The following RMC1 variants were observed in gnomAD, a reference collection of about 807,000 sequenced individuals.
The protein encoded by RMC1 is regulator of MON1-CCZ1 complex.
In RMC1, 44 loss-of-function variants were observed where a neutral mutation model predicts 95.5. That is an observed-to-expected ratio of 0.46 (90% CI 0.36 to 0.59). The LOEUF is 0.59. Ranked by LOEUF, RMC1 falls within the 20% of genes least tolerant of loss-of-function variation. RMC1 has a pLI of 0.00. For synonymous variants in RMC1, 320 were observed against 303.6 expected, an observed-to-expected ratio of 1.05 and a Z score of -0.56; for missense variants, 705 against 819.6, an observed-to-expected ratio of 0.86 and a Z score of 1.71.
chr18:23,503,812 C>T lies in RMC1; in HGVS notation c.102+92C>T, dbSNP rs529317236. On this transcript the variant is annotated intron_variant, in intron 1 of 19. Coordinates refer to ENST00000269221, the MANE Select transcript of RMC1 (RefSeq NM_013326.5). ...CCCGCGCGACCAGGCCCGAGCGTCC[C>T]CTCCTGTCCTGTCCCGTCCCGTCCC... The T allele has an allele frequency of 3.6e-5, 40 of 1,103,766 alleles. No individual in the cohort carries two copies. The East Asian group carries it at 1.2e-3, about 34-fold the overall frequency. 68.4% of individuals were successfully genotyped at this position (1,103,766 alleles called of 1,614,324 possible).
At chr18:23,519,687 C>T (rs185710191) in intron 9 of RMC1, among the ~76,000 whole-genome samples, 246 of 152,246 alleles carry the variant, frequency 1.6e-3, no homozygotes, top group Non-Finnish European at 2.9e-3. Flanking sequence ...CAGAAACTAA[C>T]GCTTGAGATT....
At chr18:23,522,365 A>G (rs1471274271) in intron 10 of RMC1, 1 of 152,180 alleles carries the variant, frequency 6.6e-6, no homozygotes, top group Admixed American at 6.5e-5. Flanking sequence ...AAAACTAAAC[A>G]TTTAGAACAA....
chr18:23,513,925 C>T (rs1026587443), intron 5 of RMC1, among the ~76,000 whole-genome samples: 2 of 152,170 alleles, frequency 1.3e-5, no homozygotes, highest in Admixed American at 6.6e-5. Flanking sequence ...GATATTAACA[C>T]CTTCTTAGAG....
chr18:23,505,034 A>T (rs967334017), intron 2 of RMC1, among the ~76,000 whole-genome samples: 2 of 152,078 alleles, frequency 1.3e-5, no homozygotes, highest in African/African-American at 2.4e-5. Context: ...GACTTAAAAA[A>T]TTTTACTGTT....
intron 2 of RMC1, chr18:23,504,824 A>G (rs1252746897): frequency 5.4e-6 from 1 of 184,276 alleles, no homozygotes; most frequent in Non-Finnish European, 1.2e-5. Context: ...TTCTCATGTA[A>G]TAATACAAGA....
At chr18:23,518,205 A>G (rs1271483437) in intron 7 of RMC1, among the ~76,000 whole-genome samples, 3 of 152,210 alleles carry the variant, frequency 2.0e-5, no homozygotes, top group Non-Finnish European at 4.4e-5. Flanking sequence ...CTTAAATAGA[A>G]AAGGCTGAGC....
At chr18:23,507,175 G>C in intron 3 of RMC1, 121 bp downstream of exon 3, 1 of 666,648 alleles carries the variant, frequency 1.5e-6, no homozygotes, top group Non-Finnish European at 2.6e-6. Context: ...GAAAGGTATA[G>C]TTATGTTGCA....
chr18:23,503,767 G>A, intron 1 of RMC1, 47 bp downstream of exon 1: 2 of 1,543,902 alleles, frequency 1.3e-6, no homozygotes, highest in East Asian at 2.5e-5. Context: ...TGCCGGGGTC[G>A]TGGGCGCGCC....
In RMC1 at chr18:23,531,732, A is replaced by T; in HGVS notation, c.*28A>T. On this transcript the variant is annotated 3_prime_UTR_variant, in exon 20 of 20. Coordinates refer to ENST00000269221, the MANE Select transcript of RMC1 (RefSeq NM_013326.5). ...TCACTTGCTGTTTTTTTATATAAAA[A>T]TGTGTACAAAGTTAATTTATTGCAT... 1 of 1,597,710 alleles carries T rather than the reference A, an allele frequency of 6.3e-7. No homozygotes were observed. The highest frequency in any genetic ancestry group is 1.1e-5 in the South Asian group (1 of 87,082).
intron 14 of RMC1, chr18:23,528,932 T>G (rs770937862): frequency 2.6e-6 from 1 of 388,090 alleles, no homozygotes; most frequent in South Asian, 3.8e-5. Flanking sequence ...CAGGCTGGAG[T>G]GCAATGGTGA....
chr18:23,516,724 C>CTT (rs1567920926), intron 7 of RMC1, among the ~76,000 whole-genome samples: 1 of 140,434 alleles, frequency 7.1e-6, no homozygotes. Context: ...AGAATTTCTT[C>CTT]TTCTTTTTTT....
chr18:23,516,426 A>G lies in RMC1; in HGVS notation c.653+3A>G, dbSNP rs373829222. On this transcript the variant is annotated splice_donor_region_variant and intron_variant, in intron 7 of 19. Transcript: ENST00000269221. Reference sequence around the variant, plus strand: ...AGAGACATCGCAATGGCTACCATGTATGTCCGTGTCAGAGAGAATTCCATC... The same window carrying G: ...AGAGACATCGCAATGGCTACCATGTGTGTCCGTGTCAGAGAGAATTCCATC... 1 of 1,613,224 alleles carries G rather than the reference A, an allele frequency of 6.2e-7. No individual in the cohort carries two copies. Among genetic ancestry groups the G allele is most frequent in the Admixed American group, 1.7e-5 (1 of 59,994 alleles).
intron 10 of RMC1, among the ~76,000 whole-genome samples, chr18:23,521,254 G>A (rs2058134384): frequency 6.6e-6 from 1 of 152,218 alleles, no homozygotes; most frequent in Non-Finnish European, 1.5e-5. Flanking sequence ...TCCCTTGGGA[G>A]GAAATAGAAT....
At chr18:23,527,400 A>G (rs1320087011) in intron 13 of RMC1, among the ~76,000 whole-genome samples, 1 of 151,108 alleles carries the variant, frequency 6.6e-6, no homozygotes, top group Admixed American at 6.6e-5. Context: ...CCTGTATCCA[A>G]AAAAAAATAA....
At chr18:23,512,995 C>T (rs2057903393) in intron 5 of RMC1, among the ~76,000 whole-genome samples, 1 of 151,974 alleles carries the variant, frequency 6.6e-6, no homozygotes, top group African/African-American at 2.4e-5. Context: ...GCTCTGTTGC[C>T]CAGGCTGGAG....
At position 23,516,334 on chromosome 18, in the gene RMC1, G is replaced by A; in HGVS notation, c.564G>A (p.Ser188=). Residue 188 remains serine (S), a synonymous_variant, in exon 7 of 20, where the codon TCG becomes TCA. Transcript: ENST00000269221. ...CCCCTAAACAGGCTGGCACTATGTC[G>A]AAGCTGCCCAAATTTGAGATTGAAT... is the stretch of plus-strand genomic sequence containing the variant. The part of the protein sequence containing the change: ...QPFHFRAGTM[S]KLPKFEIELP... The A allele has an allele frequency of 5.6e-6, 9 of 1,614,162 alleles. No homozygotes were observed. The highest frequency in any genetic ancestry group is 6.8e-6 in the Non-Finnish European group (8 of 1,180,034).
At chr18:23,513,896 G>T (rs1008990153) in intron 5 of RMC1, among the ~76,000 whole-genome samples, 9 of 152,256 alleles carry the variant, frequency 5.9e-5, no homozygotes, top group African/African-American at 2.2e-4. Context: ...TTGTTGAATT[G>T]TAGTTCTTTA....
intron 5 of RMC1, among the ~76,000 whole-genome samples, chr18:23,515,180 TTGCTCTTAGGTGTATCCATGTGCTCCACA>T (rs1315816607): frequency 6.6e-6 from 1 of 152,108 alleles, no homozygotes; most frequent in Non-Finnish European, 1.5e-5. Context: ...TTGTTGTAAA[TTGCTCTTAGGTGTATCCATGTGCTCCACA>T]TGCCCAGGCA....
intron 7 of RMC1, among the ~76,000 whole-genome samples, chr18:23,516,864 T>C (rs1023240764): frequency 6.6e-6 from 1 of 151,994 alleles, no homozygotes; most frequent in African/African-American, 2.4e-5. Flanking sequence ...TAGCTGGGAT[T>C]ACAAGTGTGC....
Sources: allele counts gnomAD v4.1 joint callset (sites outside exome capture counted in the v4.1 genomes callset), GRCh38; gene constraint gnomAD v4.1.1; transcripts MANE v1.5; gene names NCBI Gene and HGNC (gene_info 2026-07-23, HGNC 2026-07-21).